The following DLG3 variants were observed in gnomAD, a reference collection of about 807,000 sequenced individuals.
The protein encoded by DLG3 is discs large MAGUK scaffold protein 3.
DLG3 carries 1 observed loss-of-function variant against 64.1 expected under a neutral mutation model. The observed-to-expected ratio is 0.02, with a 90% confidence interval of 0.01 to 0.07. The LOEUF is 0.07. Among genes scored for constraint, DLG3 ranks in the 10% least tolerant of loss-of-function variants. DLG3 has a pLI of 1.00. For missense variants in DLG3, 429 were observed against 669.5 expected, an observed-to-expected ratio of 0.64 and a Z score of 3.96; for synonymous variants, 245 against 259.8, an observed-to-expected ratio of 0.94 and a Z score of 0.55.
chrX:70,499,317 C>T lies in DLG3; in HGVS notation c.1972+40C>T, dbSNP rs200576168. On this transcript the variant is annotated intron_variant, in intron 15 of 18. Coordinates refer to ENST00000374360, the MANE Select transcript of DLG3 (RefSeq NM_021120.4). ...AGGCCCAGAGGAGTGAGGCTTGGTGCCCTGGGAATTGTTGCTCTAATGTTT... is the reference window on the plus strand; with the variant it reads ...AGGCCCAGAGGAGTGAGGCTTGGTGTCCTGGGAATTGTTGCTCTAATGTTT... 1.3e-4 allele frequency: 130 copies of T among 993,990 alleles called. 1 individual carries two copies. In the Admixed American group the frequency reaches 2.8e-3, roughly 21 times the overall value. 81.9% of individuals were successfully genotyped at this position (993,990 alleles called of 1,213,427 possible). A position where few individuals can be genotyped will look rare whatever the true frequency, so the allele number is the denominator to read the frequency against.
At chrX:70,469,113 C>T (rs905636072) in intron 9 of DLG3, among the ~76,000 whole-genome samples, 14 of 110,131 alleles carry the variant, frequency 1.3e-4, no homozygotes, top group African/African-American at 4.0e-4. Context: ...TGGGCTCAAG[C>T]GATCCTCCTG....
At position 70,504,510 on chromosome X, in the gene DLG3, G is replaced by C. The variant is rs2087620725; in HGVS notation, c.*2241G>C. ...GCCGAGCTGGGCCGTCCTGGGGATC[G>C]GTACAGCTCCCTGGGGTGGTGACAG... On this transcript the variant is annotated 3_prime_UTR_variant, in exon 19 of 19. Coordinates refer to ENST00000374360, the MANE Select transcript of DLG3 (RefSeq NM_021120.4). The C allele has an allele frequency of 9.0e-6, 1 of 111,498 alleles. No homozygotes were observed. The highest frequency in any genetic ancestry group is 3.3e-5 in the African/African-American group (1 of 30,561). The allele number at this position is 111,498 out of a possible 1,213,427, so 9.2% of individuals were successfully genotyped here. A position where few individuals can be genotyped will look rare whatever the true frequency, so the allele number is the denominator to read the frequency against.
At position 70,502,424 on chromosome X, in the gene DLG3, C is replaced by T; in HGVS notation, c.*155C>T. The T allele has an allele frequency of 1.1e-4, 37 of 348,203 alleles. No individual in the cohort carries two copies. The highest frequency in any genetic ancestry group is 8.0e-4 in the Middle Eastern group (1 of 1,256). 28.7% of individuals were successfully genotyped at this position (348,203 alleles called of 1,213,427 possible). The stretch of plus-strand genomic sequence containing the variant: ...AAAAATTAAGTTTTCTAGTCCTGTT[C>T]TTTTTTTTTTTTTAAGTTTTTGTTT... On this transcript the variant is annotated 3_prime_UTR_variant, in exon 19 of 19. Coordinates refer to ENST00000374360, the MANE Select transcript of DLG3 (RefSeq NM_021120.4).
At chrX:70,445,783 G>A (rs1014068779) in intron 1 of DLG3, among the ~76,000 whole-genome samples, 4 of 105,667 alleles carry the variant, frequency 3.8e-5, no homozygotes, top group Admixed American at 2.0e-4. Context: ...GTGTCAGGGG[G>A]TAAGGGCATG....
rs965392132 is a variant in DLG3, at chrX:70,495,597, G to A, written c.1819+144G>A. The A allele has an allele frequency of 6.8e-6, 4 of 588,558 alleles. No homozygotes were observed. In the African/African-American group the frequency reaches 8.8e-5, roughly 13 times the overall value. 48.5% of individuals were successfully genotyped at this position (588,558 alleles called of 1,213,427 possible). ...CTCTGACATCACAGCAGGAAGAAGT[G>A]CATGTGGCTCCATATGTTACATGTT... is the stretch of plus-strand genomic sequence containing the variant. On this transcript the variant is annotated intron_variant, in intron 13 of 18. Coordinates refer to ENST00000374360, the MANE Select transcript of DLG3 (RefSeq NM_021120.4).
At chrX:70,498,342 G>T (rs953742759) in intron 13 of DLG3, among the ~76,000 whole-genome samples, 178 bp from the exon 14 acceptor site, 6 of 112,319 alleles carry the variant, frequency 5.3e-5, no homozygotes, top group Non-Finnish European at 1.1e-4. Context: ...GCTGACTCCT[G>T]TCTCAGAGCC....
intron 7 of DLG3, 137 bp from the exon 8 acceptor site, chrX:70,453,500 G>C: frequency 1.1e-6 from 1 of 944,550 alleles, no homozygotes; most frequent in Non-Finnish European, 1.4e-6. Context: ...AGGAGACAAA[G>C]GGAGGCTCAG....
intron 9 of DLG3, among the ~76,000 whole-genome samples, chrX:70,476,565 TAA>T (rs761455662): frequency 1.8e-5 from 2 of 112,277 alleles, no homozygotes; most frequent in African/African-American, 6.5e-5. Context: ...TTCTTTGTTG[TAA>T]AAAGTTGTTA....
At chrX:70,471,860 G>C (rs1333554415) in intron 9 of DLG3, among the ~76,000 whole-genome samples, 4 of 110,694 alleles carry the variant, frequency 3.6e-5, no homozygotes, top group African/African-American at 1.3e-4. Flanking sequence ...TATAATTATT[G>C]TCTGTAGTAG....
At chrX:70,466,956 A>C (rs1346049494) in intron 9 of DLG3, among the ~76,000 whole-genome samples, 1 of 111,497 alleles carries the variant, frequency 9.0e-6, no homozygotes, top group East Asian at 2.8e-4. Context: ...TTTGTCACCC[A>C]GGCTGGAGTG....
rs763463130 is a variant in DLG3 at position 70,498,967 on chromosome X, C to T, written c.1871-209C>T. 2.7e-5 allele frequency among the ~76,000 whole-genome samples: 3 copies of T among 112,354 alleles called. No homozygotes were observed. The South Asian group carries it at 1.1e-3, about 42-fold the overall frequency. On this transcript the variant is annotated intron_variant, in intron 14 of 18. Transcript: ENST00000374360. ...TCTGACTCTGTTAGAAGGGGAGCAG[C>T]TTCCGGTTTCAGACTTGCCTTGAAC...
At chrX:70,496,709 C>T (rs981034615) in intron 13 of DLG3, among the ~76,000 whole-genome samples, 1 of 112,474 alleles carries the variant, frequency 8.9e-6, no homozygotes, top group African/African-American at 3.2e-5. Flanking sequence ...TCTGCTTAAC[C>T]CATCCAGCGT....
chrX:70,460,912 TC>T (rs2086791850), intron 9 of DLG3, among the ~76,000 whole-genome samples: 1 of 112,597 alleles, frequency 8.9e-6, no homozygotes, highest in African/African-American at 3.2e-5. Context: ...AATACTTCAT[TC>T]CTTTTTATAG....
intron 9 of DLG3, among the ~76,000 whole-genome samples, chrX:70,461,573 CCTT>C (rs1474712493): frequency 9.7e-6 from 1 of 102,733 alleles, no homozygotes; most frequent in Non-Finnish European, 2.0e-5. Flanking sequence ...TAGGGCCCCC[CCTT>C]TTTTTTTTTT....
Position 70,500,530 on chromosome X carries a change from A to G in DLG3, c.2205A>G (p.Gln735=). The change falls in exon 17 of 19, where the codon CAA becomes CAG. Residue 735 remains glutamine, a synonymous_variant. Coordinates refer to ENST00000374360, the MANE Select transcript of DLG3 (RefSeq NM_021120.4). ...GNAIKRLQQA[Q]LYPIAIFIKP... is the part of the protein sequence containing the mutation. ...CTATCAAGAGACTGCAGCAAGCACA[A>G]CTTTACCCCATTGCCATTTTCATCA... 8.3e-7 allele frequency: 1 copy of G among 1,211,092 alleles called. No homozygotes were observed. Among genetic ancestry groups the G allele is most frequent in the East Asian group, 3.0e-5 (1 of 33,834 alleles).
chrX:70,493,484 C>T (rs2087397969), intron 12 of DLG3: 1 of 1,171,256 alleles, frequency 8.5e-7, no homozygotes, highest in African/African-American at 1.8e-5. Context: ...ACGTAAGTAG[C>T]AGCAGAGTCC....
chrX:70,479,096 G>C, intron 9 of DLG3, 54 bp from the exon 10 acceptor site: 1 of 1,101,328 alleles, frequency 9.1e-7, no homozygotes, highest in Non-Finnish European at 1.3e-6. Context: ...TGCAAGCTCA[G>C]AGGCGCTCCT....
chrX:70,467,108 GTCT>G (rs753209741), intron 9 of DLG3, among the ~76,000 whole-genome samples: 2 of 110,980 alleles, frequency 1.8e-5, no homozygotes, highest in African/African-American at 6.5e-5. Flanking sequence ...TAGAGATGGG[GTCT>G]CACTGTGTTG....
chrX:70,472,879 G>C (rs1409032995), intron 9 of DLG3, among the ~76,000 whole-genome samples: 2 of 111,314 alleles, frequency 1.8e-5, no homozygotes, highest in Admixed American at 1.9e-4. Context: ...TAACCTGTCC[G>C]GGCGCAGTGG....
Sources: allele counts gnomAD v4.1 joint callset (sites outside exome capture counted in the v4.1 genomes callset), GRCh38; gene constraint gnomAD v4.1.1; transcripts MANE v1.5; gene names NCBI Gene and HGNC (gene_info 2026-07-23, HGNC 2026-07-21).